Variants in HK1 observed in about 807,000 individuals in gnomAD.
HK1 encodes the protein hexokinase-1.
Under a neutral mutation model 91.6 loss-of-function variants are expected in HK1, and 28 were observed. The observed-to-expected ratio is 0.31, with a 90% CI of 0.23 to 0.42. The LOEUF (loss-of-function observed/expected upper bound fraction) is 0.42, where lower values mean the gene tolerates loss of function less well. HK1 is among the 10% of genes least tolerant of loss of function. The pLI is 1.00. For synonymous variants in HK1, 430 were observed against 468.1 expected (o/e 0.92, Z 1.05); for missense variants, 770 against 1,219.8 (o/e 0.63, Z 5.49).
Position 69,286,553 on chromosome 10 carries a change from T to G in HK1, c.-214-2118T>G, listed in dbSNP as rs76883931. On this transcript the variant is annotated intron_variant, in intron 2 of 21. Coordinates refer to the HK1 transcript ENST00000360289. The stretch of plus-strand genomic sequence containing the variant: ...TTTTATTTTTAGATCACGCTTTACT[T>G]TTTTTTTTTTTTGAGATGGAGTTTC... Among the ~76,000 whole-genome samples, 340 of 148,008 alleles carry G rather than the reference T, an allele frequency of 2.3e-3. 10 individuals carry two copies. In the East Asian group the frequency reaches 0.061, roughly 27 times the overall value.
At chr10:69,305,281 T>C (rs1846049978) in intron 5 of HK1, among the ~76,000 whole-genome samples, 1 of 152,126 alleles carries the variant, frequency 6.6e-6, no homozygotes, top group Non-Finnish European at 1.5e-5. Flanking sequence ...TGGCCAGAGC[T>C]TGGTCACATG....
chr10:69,270,944 C>T (rs1178947238), intron 1 of HK1: 1 of 152,214 alleles, frequency 6.6e-6, no homozygotes, highest in Non-Finnish European at 1.5e-5. Context: ...AATTAATTAT[C>T]ACTTTCCTTT....
chr10:69,299,269 C>T (rs576671595), intron 4 of HK1, among the ~76,000 whole-genome samples: 23 of 151,644 alleles, frequency 1.5e-4, no homozygotes, highest in East Asian at 5.8e-4. Context: ...ACCCCGTGGG[C>T]TCAAGTGACC....
At chr10:69,392,870 G>A (rs1029623790) in intron 15 of HK1, among the ~76,000 whole-genome samples, 7 of 152,222 alleles carry the variant, frequency 4.6e-5, no homozygotes. Flanking sequence ...AAGGGCTGGA[G>A]CAGCACCCAG....
At chr10:69,374,325 T>C (rs552112683) in intron 7 of HK1, among the ~76,000 whole-genome samples, 26 of 152,278 alleles carry the variant, frequency 1.7e-4, no homozygotes, top group African/African-American at 6.0e-4. Flanking sequence ...CCCTCCCCCA[T>C]CTCAGCCCTT....
intron 7 of HK1, among the ~76,000 whole-genome samples, chr10:69,372,062 T>C (rs934127536): frequency 6.6e-6 from 1 of 152,208 alleles, no homozygotes; most frequent in Non-Finnish European, 1.5e-5. Flanking sequence ...ATGGCACAAG[T>C]CATGTCTTAC....
At chr10:69,395,610 T>C (rs1385138162) in intron 16 of HK1, among the ~76,000 whole-genome samples, 1 of 152,194 alleles carries the variant, frequency 6.6e-6, no homozygotes, top group African/African-American at 2.4e-5. Flanking sequence ...TTACTTTCCT[T>C]TTATCCATCC....
At chr10:69,350,107 C>T (rs1370638622) in intron 2 of HK1, among the ~76,000 whole-genome samples, 1 of 152,178 alleles carries the variant, frequency 6.6e-6, no homozygotes, top group Non-Finnish European at 1.5e-5. Context: ...AGGCCTTGCT[C>T]CCCATGGACC....
chr10:69,377,239 C>T (rs577901117), intron 8 of HK1, 150 bp downstream of exon 8: 6 of 892,202 alleles, frequency 6.7e-6, no homozygotes, highest in African/African-American at 1.7e-5. Flanking sequence ...TTAGTTGACC[C>T]ATTCTGGGCC....
At chr10:69,311,008 G>A (rs150720047), upstream of HK1, among the ~76,000 whole-genome samples, 4,211 of 150,838 alleles carry the variant, frequency 0.028, 58 homozygotes, top group Admixed American at 0.054. Flanking sequence ...AGTGAGCCGA[G>A]ACTGCACCAC....
chr10:69,398,417 C>T (rs80226290), intron 16 of HK1, among the ~76,000 whole-genome samples, 178 bp from the exon 17 acceptor site: 1 of 152,296 alleles, frequency 6.6e-6, no homozygotes, highest in East Asian at 1.9e-4. Context: ...TTAGATTTTC[C>T]AATTTTTATT....
intron 11 of HK1, 134 bp from the exon 12 acceptor site, chr10:69,384,662 G>A (rs1589574039): frequency 6.9e-7 from 1 of 1,439,520 alleles, no homozygotes; most frequent in Non-Finnish European, 9.8e-7. Context: ...GAAGATTCTG[G>A]AAAAGGAGGC....
In HK1 at chr10:69,368,642, C is replaced by T. The variant is rs1386995574; in HGVS notation, c.591+11C>T. On this transcript the variant is annotated intron_variant, in intron 5 of 17. Transcript: ENST00000359426. ...ATCAAAAAGCGAGGGGTAATTTCTC[C>T]TGGGCCCTCTGCCTCAGCCATGCAG... is the stretch of plus-strand genomic sequence containing the variant. 6 of 1,600,874 alleles carry T rather than the reference C, an allele frequency of 3.7e-6. No homozygotes were observed. In the Admixed American group the frequency reaches 5.0e-5, roughly 13 times the overall value.
chr10:69,355,915 A>G (rs1187216645), intron 2 of HK1, among the ~76,000 whole-genome samples: 1 of 152,212 alleles, frequency 6.6e-6, no homozygotes, highest in Non-Finnish European at 1.5e-5. Context: ...GTGCTGGGAC[A>G]CTGGATATCC....
intron 2 of HK1, among the ~76,000 whole-genome samples, chr10:69,345,755 G>A (rs1848519152): frequency 6.6e-6 from 1 of 152,152 alleles, no homozygotes; most frequent in Non-Finnish European, 1.5e-5. Flanking sequence ...GTCAGCAGGG[G>A]TGCTCTCCCT....
chr10:69,368,503 C>T, intron 4 of HK1, 33 bp from the exon 5 acceptor site: 1 of 1,575,880 alleles, frequency 6.3e-7, no homozygotes, highest in South Asian at 1.1e-5. Flanking sequence ...GGCCTCCCAG[C>T]CCTCATCCAG....
At position 69,295,790 on chromosome 10, in the gene HK1, A is replaced by C. The variant is rs981205534; in HGVS notation, c.-67+110A>C. Reference sequence around the variant, plus strand: ...TTTTCAGCCAGCCAAGCAGCTGTGCAGTGGCTTCTCCAGGGTGTGGAGCAG... The same window carrying C: ...TTTTCAGCCAGCCAAGCAGCTGTGCCGTGGCTTCTCCAGGGTGTGGAGCAG... On this transcript the variant is annotated intron_variant, in intron 4 of 21. Coordinates refer to the HK1 transcript ENST00000360289. The C allele has an allele frequency of 5.4e-5, 41 of 765,636 alleles. No individual in the cohort carries two copies. The African/African-American group carries it at 5.5e-4, about 10-fold the overall frequency. The allele number at this position is 765,636 out of a possible 1,614,324, so 47.4% of individuals were successfully genotyped here. A position where few individuals can be genotyped will look rare whatever the true frequency, so the allele number is the denominator to read the frequency against.
At chr10:69,275,203 T>TA (rs58235938) in intron 1 of HK1, among the ~76,000 whole-genome samples, 8,563 of 126,204 alleles carry the variant, frequency 0.068, 447 homozygotes, top group African/African-American at 0.15. Context: ...CATGAGTTAT[T>TA]AAAAAAAAAA....
intron 1 of HK1, among the ~76,000 whole-genome samples, chr10:69,327,584 G>A (rs1009700025): frequency 5.9e-5 from 9 of 152,152 alleles, no homozygotes; most frequent in African/African-American, 2.2e-4. Flanking sequence ...TCTAAGCTGT[G>A]TACCTAGGGC....
Sources: gnomAD v4.1 joint callset for allele counts (sites outside exome capture counted in the v4.1 genomes callset) on GRCh38, gnomAD v4.1.1 for gene constraint, MANE v1.5 for transcripts, NCBI Gene and HGNC (gene_info 2026-07-23, HGNC 2026-07-21) for gene names.